SMAGP: variants seen among roughly 807,000 people sequenced by gnomAD.
SMAGP encodes the protein small cell adhesion glycoprotein.
SMAGP carries 7 observed loss-of-function variants against 10.1 expected under a neutral mutation model. That is an observed-to-expected ratio of 0.70 (90% CI 0.40 to 1.31). The LOEUF is 1.31. Ranked by LOEUF, SMAGP falls within the 50% of genes most tolerant of loss-of-function variation. The probability of loss-of-function intolerance (pLI) is 0.01; values close to 1 mark genes in which losing one functional copy is unlikely to be tolerated. For missense variants in SMAGP, 113 were observed against 116.5 expected (o/e 0.97, Z 0.14); for synonymous variants, 49 against 47.2 (o/e 1.04, Z -0.16).
intron 2 of SMAGP, among the ~76,000 whole-genome samples, chr12:51,256,965 C>T (rs977255949): frequency 6.6e-6 from 1 of 151,928 alleles, no homozygotes; most frequent in Non-Finnish European, 1.5e-5. Context: ...TCATAAACGA[C>T]CTTTACAAGA....
chr12:51,249,828 G>A (rs777891992), intron 2 of SMAGP, among the ~76,000 whole-genome samples: 1 of 151,712 alleles, frequency 6.6e-6, no homozygotes, highest in Non-Finnish European at 1.5e-5. Flanking sequence ...TGTTGGCCAG[G>A]CTGGTCTCGA....
intron 2 of SMAGP, among the ~76,000 whole-genome samples, chr12:51,267,884 T>C (rs1352887265): frequency 6.6e-6 from 1 of 152,190 alleles, no homozygotes; most frequent in African/African-American, 2.4e-5. Context: ...CTTCCACTGG[T>C]GGTGTCACTC....
At chr12:51,247,846 C>T (rs1355652332) in intron 2 of SMAGP, among the ~76,000 whole-genome samples, 2 of 152,206 alleles carry the variant, frequency 1.3e-5, no homozygotes, top group Non-Finnish European at 2.9e-5. Flanking sequence ...CTCCACTGCA[C>T]CCCACAGCTT....
intron 1 of SMAGP, chr12:51,269,913 A>T (rs1945012454): frequency 6.6e-6 from 1 of 151,956 alleles, no homozygotes; most frequent in African/African-American, 2.4e-5. Context: ...ACAGCCTGCC[A>T]AGCCTCACTG....
chr12:51,258,202 G>C (rs1944902340), intron 2 of SMAGP, among the ~76,000 whole-genome samples: 1 of 152,104 alleles, frequency 6.6e-6, no homozygotes, highest in Admixed American at 6.6e-5. Flanking sequence ...TAGGATGTAA[G>C]ATAATCAGTT....
intron 2 of SMAGP, among the ~76,000 whole-genome samples, chr12:51,254,842 G>T (rs1158837566): frequency 6.6e-6 from 1 of 152,146 alleles, no homozygotes; most frequent in African/African-American, 2.4e-5. Flanking sequence ...CCCGGGGCCA[G>T]GCATGCTTGG....
intron 2 of SMAGP, among the ~76,000 whole-genome samples, chr12:51,264,120 T>C (rs544155025): frequency 2.0e-5 from 3 of 152,226 alleles, no homozygotes; most frequent in Admixed American, 6.5e-5. Context: ...CTTTATAGAC[T>C]GTGAGGGAGG....
At chr12:51,248,434 A>ACACACACACTCTCACTCTCTCTCT (rs1188710796) in intron 2 of SMAGP, among the ~76,000 whole-genome samples, 2 of 77,468 alleles carry the variant, frequency 2.6e-5, no homozygotes, top group African/African-American at 1.0e-4. Flanking sequence ...ACACACACAC[A>ACACACACACTCTCACTCTCTCTCT]CTCTCTCTCT....
intron 2 of SMAGP, among the ~76,000 whole-genome samples, chr12:51,261,890 CA>C (rs1428876741): frequency 8.0e-5 from 12 of 150,230 alleles, no homozygotes; most frequent in African/African-American, 2.9e-4. Flanking sequence ...ATGAAAAAAG[CA>C]AACTGCCAGG....
chr12:51,251,181 C>T (rs1247383502), intron 2 of SMAGP, among the ~76,000 whole-genome samples: 4 of 152,086 alleles, frequency 2.6e-5, no homozygotes, highest in African/African-American at 7.2e-5. Flanking sequence ...CGCCTGTAAT[C>T]CCAACACTTT....
At chr12:51,254,271 G>A (rs899370241) in intron 2 of SMAGP, among the ~76,000 whole-genome samples, 5 of 152,206 alleles carry the variant, frequency 3.3e-5, no homozygotes, top group African/African-American at 9.6e-5. Flanking sequence ...AAATAAGGCC[G>A]GGCGCGGTGG....
chr12:51,257,586 C>T (rs537745758), intron 2 of SMAGP, among the ~76,000 whole-genome samples: 81 of 151,984 alleles, frequency 5.3e-4, no homozygotes, highest in African/African-American at 1.8e-3. Flanking sequence ...GCTCTGTCAC[C>T]CAGGCTGGAG....
At chr12:51,269,149 A>G in intron 2 of SMAGP, 96 bp downstream of exon 2, 5 of 1,350,586 alleles carry the variant, frequency 3.7e-6, no homozygotes, top group Non-Finnish European at 5.3e-6. Flanking sequence ...GAGAGGTGGG[A>G]GTCTTCCCAC....
intron 2 of SMAGP, among the ~76,000 whole-genome samples, chr12:51,259,092 C>T (rs974724585): frequency 6.6e-6 from 1 of 151,924 alleles, no homozygotes; most frequent in African/African-American, 2.4e-5. Flanking sequence ...CATGTTTGCG[C>T]CACTGCATGC....
chr12:51,252,951 CA>C (rs1413779189), intron 2 of SMAGP, among the ~76,000 whole-genome samples: 1 of 152,052 alleles, frequency 6.6e-6, no homozygotes, highest in African/African-American at 2.4e-5. Context: ...ATATGACAGC[CA>C]AAGGCACTGC....
At chr12:51,249,936 A>G (rs1035488038) in intron 2 of SMAGP, among the ~76,000 whole-genome samples, 4 of 152,098 alleles carry the variant, frequency 2.6e-5, no homozygotes, top group Non-Finnish European at 5.9e-5. Context: ...GGATTCATTC[A>G]TCCATTCTCA....
At chr12:51,246,369 A>C in intron 3 of SMAGP, 1 of 507,248 alleles carries the variant, frequency 2.0e-6, no homozygotes, top group Non-Finnish European at 3.4e-6. Flanking sequence ...TGCCTCCCAA[A>C]CCAGTTCCTG....
chr12:51,256,858 G>T (rs958800095), intron 2 of SMAGP, among the ~76,000 whole-genome samples: 4 of 151,956 alleles, frequency 2.6e-5, no homozygotes, highest in Non-Finnish European at 5.9e-5. Flanking sequence ...CATAGACTGG[G>T]TGAGATCACC....
intron 2 of SMAGP, among the ~76,000 whole-genome samples, chr12:51,266,784 A>G (rs1336675202): frequency 6.6e-6 from 1 of 152,186 alleles, no homozygotes. Context: ...CTGCGAAAAA[A>G]TGGCTAAAAT....
Sources: allele counts gnomAD v4.1 joint callset (sites outside exome capture counted in the v4.1 genomes callset), GRCh38; gene constraint gnomAD v4.1.1; transcripts MANE v1.5; gene names NCBI Gene and HGNC (gene_info 2026-07-23, HGNC 2026-07-21).